The following TCP11L2 variants were observed in gnomAD, a reference collection of about 807,000 sequenced individuals.
The protein encoded by TCP11L2 is T-complex protein 11-like protein 2.
Under a neutral mutation model 50.7 loss-of-function variants are expected in TCP11L2, and 39 were observed. The ratio of observed to expected loss-of-function variants is 0.77; its 90% CI spans 0.60 to 1.01. The LOEUF (loss-of-function observed/expected upper bound fraction) is 1.01. TCP11L2 is among the 50% of genes least tolerant of loss of function. The probability of loss-of-function intolerance (pLI) is 0.00; values close to 1 mark genes in which losing one functional copy is unlikely to be tolerated. For synonymous variants in TCP11L2, 192 were observed against 219.3 expected, an observed-to-expected ratio of 0.88 and a Z score of 1.10; for missense variants, 612 against 614.7, an observed-to-expected ratio of 1.00 and a Z score of 0.05.
upstream of TCP11L2, among the ~76,000 whole-genome samples, chr12:106,302,433 C>T (rs1004532381): frequency 6.8e-6 from 1 of 146,178 alleles, no homozygotes; most frequent in East Asian, 2.1e-4. Flanking sequence ...CTCGGCCCCG[C>T]CCCCAGTGCC....
chr12:106,300,532 G>C (rs1360894962), upstream of TCP11L2, among the ~76,000 whole-genome samples: 1 of 151,972 alleles, frequency 6.6e-6, no homozygotes, highest in African/African-American at 2.4e-5. Context: ...GGGTTTCACC[G>C]TGTTAGCCAG....
intron 5 of TCP11L2, 53 bp from the exon 6 acceptor site, chr12:106,323,457 A>T: frequency 6.9e-7 from 1 of 1,457,808 alleles, no homozygotes. Flanking sequence ...ATTGTTAGTG[A>T]ATTTCAGCTT....
chr12:106,329,517 A>G (rs1318080272), intron 6 of TCP11L2: 1 of 1,469,216 alleles, frequency 6.8e-7, no homozygotes, highest in East Asian at 2.5e-5. Context: ...AATTAGAATC[A>G]TCTGGGGCGT....
chr12:106,302,384 CAGCCCCCGCTCAGCCCCCGCTCAG>C (rs1565832040), upstream of TCP11L2, among the ~76,000 whole-genome samples: 25 of 86,940 alleles, frequency 2.9e-4, 1 homozygote, highest in African/African-American at 1.4e-3. Context: ...AGCCCCCGCT[CAGCCCCCGCTCAGCCCCCGCTCAG>C]CCCCCGCTCC....
intron 9 of TCP11L2, among the ~76,000 whole-genome samples, chr12:106,344,889 A>G (rs2036187382): frequency 6.6e-6 from 1 of 152,186 alleles, no homozygotes; most frequent in African/African-American, 2.4e-5. Context: ...ACATTGAGGC[A>G]GTGATGCAGG....
intron 6 of TCP11L2, among the ~76,000 whole-genome samples, chr12:106,331,057 TG>T (rs1228033572): frequency 3.3e-5 from 5 of 152,336 alleles, no homozygotes; most frequent in African/African-American, 9.6e-5. Flanking sequence ...AACTGGACAT[TG>T]TCTTTAAGGT....
intron 3 of TCP11L2, among the ~76,000 whole-genome samples, chr12:106,318,011 A>G (rs1394215361): frequency 6.6e-6 from 1 of 152,246 alleles, no homozygotes; most frequent in Non-Finnish European, 1.5e-5. Context: ...CATCCCAAAA[A>G]TGTAGAACAA....
At chr12:106,342,129 T>G (rs1188344728) in intron 9 of TCP11L2, among the ~76,000 whole-genome samples, 1 of 152,194 alleles carries the variant, frequency 6.6e-6, no homozygotes, top group Non-Finnish European at 1.5e-5. Flanking sequence ...AGAATTAGAA[T>G]GTACTAACCT....
intron 6 of TCP11L2, among the ~76,000 whole-genome samples, chr12:106,332,803 C>A (rs1565856784): frequency 6.6e-6 from 1 of 152,182 alleles, no homozygotes; most frequent in Non-Finnish European, 1.5e-5. Flanking sequence ...ACCCTAATTA[C>A]CTCCCAAAGT....
chr12:106,298,740 C>G (rs2034377759), upstream of TCP11L2, among the ~76,000 whole-genome samples: 1 of 152,016 alleles, frequency 6.6e-6, no homozygotes. Context: ...TCAGGCTGGT[C>G]TCAAACTCCT....
intron 9 of TCP11L2, among the ~76,000 whole-genome samples, chr12:106,345,673 A>G (rs758612077): frequency 1.3e-5 from 2 of 151,228 alleles, no homozygotes; most frequent in African/African-American, 2.4e-5. Context: ...TCAGTCAGCT[A>G]TTGCTGCATA....
chr12:106,327,577 C>G (rs1362314779), intron 6 of TCP11L2, among the ~76,000 whole-genome samples: 1 of 152,080 alleles, frequency 6.6e-6, no homozygotes, highest in African/African-American at 2.4e-5. Flanking sequence ...TAGAGCAAAC[C>G]CAGCTTTGCA....
chr12:106,299,332 A>G (rs2034380469), upstream of TCP11L2, among the ~76,000 whole-genome samples: 1 of 152,230 alleles, frequency 6.6e-6, no homozygotes, highest in Non-Finnish European at 1.5e-5. Flanking sequence ...AACAGACATA[A>G]GTTTCTTCAA....
chr12:106,313,915 G>C (rs1197053695), intron 2 of TCP11L2, among the ~76,000 whole-genome samples: 1 of 151,628 alleles, frequency 6.6e-6, no homozygotes, highest in Non-Finnish European at 1.5e-5. Flanking sequence ...ACAGGTGCCC[G>C]CCACCATGCC....
intron 6 of TCP11L2, chr12:106,325,845 C>G (rs1363548269): frequency 1.4e-5 from 2 of 142,440 alleles, no homozygotes; most frequent in Admixed American, 1.5e-4. Context: ...GAGCCAAGGT[C>G]GCATCATTGC....
chr12:106,346,670 A>AGCATTACAGAAGACACAC lies in TCP11L2; in HGVS notation c.*141_*158dup. Reference sequence around the variant, plus strand: ...CCAAATCTGTGTAATGGGTAATATTAGCATTACAGAAGACACACACATCAC... The same window carrying AGCATTACAGAAGACACAC: ...CCAAATCTGTGTAATGGGTAATATTAGCATTACAGAAGACACACGCATTACAGAAGACACACACATCAC... On this transcript the variant is annotated 3_prime_UTR_variant, in exon 10 of 10. Transcript: ENST00000299045. The AGCATTACAGAAGACACAC allele has an allele frequency of 9.8e-7, 1 of 1,016,238 alleles. No individual in the cohort carries two copies. The highest frequency in any genetic ancestry group is 1.4e-6 in the Non-Finnish European group (1 of 720,382). 63.0% of individuals were successfully genotyped at this position (1,016,238 alleles called of 1,614,324 possible). A position where few individuals can be genotyped will look rare whatever the true frequency, so the allele number is the denominator to read the frequency against.
intron 4 of TCP11L2, 40 bp from the exon 5 acceptor site, chr12:106,321,446 C>T (rs763752140): frequency 6.6e-7 from 1 of 1,523,210 alleles, no homozygotes; most frequent in South Asian, 1.2e-5. Context: ...AGCTTTTATT[C>T]ACATCATGAT....
rs963309699 is a variant in TCP11L2, at chr12:106,308,275, G to A, written c.-35-2766G>A. Among the ~76,000 whole-genome samples, 5 of 152,202 alleles carry A rather than the reference G, an allele frequency of 3.3e-5. No homozygotes were observed. In the East Asian group the frequency reaches 5.8e-4, roughly 18 times the overall value. On this transcript the variant is annotated intron_variant, in intron 1 of 9. Coordinates refer to ENST00000299045, the MANE Select transcript of TCP11L2 (RefSeq NM_152772.3). ...GAGCATCATATATTCCTTGCTGAGA[G>A]AAACCTTATGACTGGCCCAACCTCT...
intron 8 of TCP11L2, among the ~76,000 whole-genome samples, chr12:106,338,953 C>G (rs576546598): frequency 6.6e-6 from 1 of 152,294 alleles, no homozygotes; most frequent in East Asian, 1.9e-4. Flanking sequence ...CTAGTCTGCC[C>G]AAGATGGCGA....
Sources: gnomAD v4.1 joint callset for allele counts (sites outside exome capture counted in the v4.1 genomes callset) on GRCh38, gnomAD v4.1.1 for gene constraint, MANE v1.5 for transcripts, NCBI Gene and HGNC (gene_info 2026-07-23, HGNC 2026-07-21) for gene names.